The following CNTN6 variants were observed in gnomAD, a reference collection of about 807,000 sequenced individuals.
CNTN6 encodes contactin-6.
Under a neutral mutation model 122.8 loss-of-function variants are expected in CNTN6, and 137 were observed. The observed-to-expected ratio is 1.12, with a 90% CI of 0.97 to 1.29. CNTN6 has a LOEUF of 1.29. CNTN6 is among the 50% of genes most tolerant of loss of function. The probability of loss-of-function intolerance (pLI) is 0.00; values close to 1 mark genes in which losing one functional copy is unlikely to be tolerated. For synonymous variants in CNTN6, 570 were observed against 426.0 expected (o/e 1.34, Z -4.16); for missense variants, 1,634 against 1,223.4 (o/e 1.34, Z -5.01).
At chr3:1,224,064 A>C (rs2094245127) in intron 3 of CNTN6, among the ~76,000 whole-genome samples, 1 of 152,362 alleles carries the variant, frequency 6.6e-6, no homozygotes, top group African/African-American at 2.4e-5. Flanking sequence ...TTCAGTGTAC[A>C]TCACAATCAC....
In CNTN6 at chr3:1,094,699, T is replaced by C. The variant is rs570398224; in HGVS notation, c.-83+1579T>C. Among the ~76,000 whole-genome samples the C allele has an allele frequency of 1.6e-3, 245 of 151,528 alleles. 1 individual carries two copies. Among genetic ancestry groups the C allele is most frequent in the South Asian group, 7.5e-3 (36 of 4,808 alleles). On this transcript the variant is annotated intron_variant, in intron 1 of 22. Transcript: ENST00000446702. ...TTTTCTCTGAGTTTAGAACCCCCTC[T>C]AAAAAAAATCAATTATGTTGTGAAA...
At chr3:1,389,285 A>G (rs949072005) in intron 20 of CNTN6, among the ~76,000 whole-genome samples, 4 of 152,160 alleles carry the variant, frequency 2.6e-5, no homozygotes, top group African/African-American at 9.7e-5. Context: ...AACAATTTCA[A>G]CCCAGAATTT....
intron 11 of CNTN6, among the ~76,000 whole-genome samples, chr3:1,333,738 T>C (rs1021594105): frequency 2.0e-5 from 3 of 152,004 alleles, no homozygotes; most frequent in Admixed American, 1.3e-4. Flanking sequence ...TGCTGACTTA[T>C]AAAAAAATGG....
rs529482470 is a variant in CNTN6 at position 1,116,632 on chromosome 3, A to G, written c.-83+23512A>G. 7.2e-5 allele frequency among the ~76,000 whole-genome samples: 11 copies of G among 151,992 alleles called. No individual in the cohort carries two copies. The East Asian group carries it at 1.5e-3, about 21-fold the overall frequency. On this transcript the variant is annotated intron_variant, in intron 1 of 22. Transcript: ENST00000446702. ...TTGGAAAACTGAGTGGAGAATAGAGATACAAGAGGGTCGTATTGTTACCTG... is the reference window on the plus strand; with the variant it reads ...TTGGAAAACTGAGTGGAGAATAGAGGTACAAGAGGGTCGTATTGTTACCTG...
chr3:1,235,556 TA>T (rs2094410225), intron 4 of CNTN6, among the ~76,000 whole-genome samples: 1 of 152,122 alleles, frequency 6.6e-6, no homozygotes, highest in African/African-American at 2.4e-5. Context: ...TTCAGGTGTT[TA>T]AATAGCAAAT....
intron 5 of CNTN6, among the ~76,000 whole-genome samples, chr3:1,288,122 G>T (rs1575565949): frequency 6.6e-6 from 1 of 152,056 alleles, no homozygotes; most frequent in African/African-American, 2.4e-5. Context: ...AAGTAGGTTT[G>T]GCCAATGTAC....
chr3:1,253,952 C>T (rs1459279076), intron 4 of CNTN6, among the ~76,000 whole-genome samples: 1 of 152,248 alleles, frequency 6.6e-6, no homozygotes, highest in South Asian at 2.1e-4. Context: ...ATACATTTTG[C>T]ATGTGCTTAC....
At chr3:1,312,277 A>C (rs1699454262) in intron 7 of CNTN6, among the ~76,000 whole-genome samples, 1 of 151,868 alleles carries the variant, frequency 6.6e-6, no homozygotes, top group South Asian at 2.1e-4. Flanking sequence ...GCTGTTTCTA[A>C]AATTAAACTA....
chr3:1,366,273 A>G (rs1403832272), intron 12 of CNTN6, among the ~76,000 whole-genome samples: 1 of 152,194 alleles, frequency 6.6e-6, no homozygotes, highest in Non-Finnish European at 1.5e-5. Context: ...AAAGACTTAA[A>G]GAATCTCAAA....
At chr3:1,285,671 A>C (rs1459406030) in intron 5 of CNTN6, among the ~76,000 whole-genome samples, 1 of 152,202 alleles carries the variant, frequency 6.6e-6, no homozygotes, top group Non-Finnish European at 1.5e-5. Context: ...TAACAACTAT[A>C]GTTAACTAAA....
chr3:1,361,711 C>A (rs992157286), intron 12 of CNTN6, among the ~76,000 whole-genome samples: 5 of 151,924 alleles, frequency 3.3e-5, no homozygotes, highest in Non-Finnish European at 5.9e-5. Flanking sequence ...CTTATCACAC[C>A]AACCTCCCAC....
intron 8 of CNTN6, among the ~76,000 whole-genome samples, chr3:1,322,551 A>G (rs561116091): frequency 1.4e-4 from 21 of 151,868 alleles, no homozygotes; most frequent in Non-Finnish European, 2.4e-4. Flanking sequence ...GATAATTTTT[A>G]AAAAGTATTG....
intron 2 of CNTN6, among the ~76,000 whole-genome samples, chr3:1,191,395 A>T (rs1037704666): frequency 2.0e-5 from 3 of 152,098 alleles, no homozygotes; most frequent in African/African-American, 7.2e-5. Flanking sequence ...AATAATGTCT[A>T]TGTGATGAAG....
chr3:1,342,726 T>G (rs1704083608), intron 11 of CNTN6, among the ~76,000 whole-genome samples: 1 of 152,164 alleles, frequency 6.6e-6, no homozygotes, highest in Non-Finnish European at 1.5e-5. Context: ...GGGGTCTATA[T>G]TGTTATAATA....
chr3:1,217,978 TCATAG>T (rs2094151223), intron 2 of CNTN6, among the ~76,000 whole-genome samples: 2 of 152,168 alleles, frequency 1.3e-5, no homozygotes, highest in South Asian at 4.1e-4. Context: ...TCCCTTTCTT[TCATAG>T]CAATTTAGTC....
At chr3:1,373,479 G>A in intron 14 of CNTN6, 125 bp from the exon 15 acceptor site, 1 of 807,242 alleles carries the variant, frequency 1.2e-6, no homozygotes, top group South Asian at 2.0e-5. Flanking sequence ...CTAATAATGT[G>A]CTATAAATAC....
chr3:1,177,135 C>T (rs372768696), intron 2 of CNTN6, among the ~76,000 whole-genome samples: 8 of 152,214 alleles, frequency 5.3e-5, no homozygotes, highest in East Asian at 3.9e-4. Context: ...TCTTCAAGAA[C>T]GTCAACGTGA....
rs186884751 is a variant in CNTN6, at chr3:1,202,387, G to T, written c.56-18300G>T. Among the ~76,000 whole-genome samples, 230 of 150,304 alleles carry T rather than the reference G, an allele frequency of 1.5e-3. 1 individual carries two copies. The highest frequency in any genetic ancestry group is 5.4e-3 in the African/African-American group (219 of 40,884). ...AACCGCGTCTCTACTAAAAATACAA[G>T]AAATCAGCCGGGCGTGGTGGCGGGC... On this transcript the variant is annotated intron_variant, in intron 2 of 22. Coordinates refer to ENST00000446702, the MANE Select transcript of CNTN6 (RefSeq NM_001289080.2).
intron 4 of CNTN6, among the ~76,000 whole-genome samples, chr3:1,250,175 T>G (rs1575421351): frequency 6.6e-6 from 1 of 152,202 alleles, no homozygotes; most frequent in Admixed American, 6.5e-5. Context: ...GGAAAACATT[T>G]CCTGAGCTTG....
Sources: gnomAD v4.1 joint callset for allele counts (sites outside exome capture counted in the v4.1 genomes callset) on GRCh38, gnomAD v4.1.1 for gene constraint, MANE v1.5 for transcripts, NCBI Gene and HGNC (gene_info 2026-07-23, HGNC 2026-07-21) for gene names.